The following DACH2 variants were observed in gnomAD, a reference collection of about 807,000 sequenced individuals.
DACH2 encodes the protein dachshund homolog 2.
Under a neutral mutation model 35.8 loss-of-function variants are expected in DACH2, and 17 were observed. The observed-to-expected ratio is 0.48, with a 90% CI of 0.33 to 0.71. DACH2 has a LOEUF of 0.71. Ranked by LOEUF, DACH2 falls within the 30% of genes least tolerant of loss-of-function variation. DACH2 has a pLI of 0.02. For missense variants in DACH2, 469 were observed against 472.7 expected (o/e 0.99, Z 0.07); for synonymous variants, 195 against 177.3 (o/e 1.10, Z -0.79).
chrX:86,698,536 T>TTTTTG (rs2041099604), intron 5 of DACH2, among the ~76,000 whole-genome samples: 1 of 65,797 alleles, frequency 1.5e-5, no homozygotes, highest in Admixed American at 2.0e-4. Context: ...TTTTTTTTTT[T>TTTTTG]TTTTTTTTTT....
At chrX:86,479,562 T>C (rs2037904791) in intron 2 of DACH2, among the ~76,000 whole-genome samples, 1 of 112,200 alleles carries the variant, frequency 8.9e-6, no homozygotes, top group Admixed American at 9.5e-5. Flanking sequence ...ATAAATTTTC[T>C]TTCCTTATGT....
chrX:86,583,931 C>T (rs915351261), intron 3 of DACH2, among the ~76,000 whole-genome samples: 34 of 110,356 alleles, frequency 3.1e-4, no homozygotes, highest in African/African-American at 9.8e-4. Flanking sequence ...AGAGTAATGC[C>T]TGCCTAGTAA....
At chrX:86,639,880 T>C (rs1456614451) in intron 3 of DACH2, among the ~76,000 whole-genome samples, 1 of 111,333 alleles carries the variant, frequency 9.0e-6, no homozygotes, top group Admixed American at 9.5e-5. Flanking sequence ...CCTGATCCTA[T>C]TTATCCTCAC....
At chrX:86,409,976 C>T (rs375940924) in intron 2 of DACH2, among the ~76,000 whole-genome samples, 1 of 111,604 alleles carries the variant, frequency 9.0e-6, no homozygotes, top group East Asian at 2.8e-4. Context: ...TTATTTAACC[C>T]CTGTCTTAAA....
At chrX:86,410,076 A>G (rs2036586341) in intron 2 of DACH2, among the ~76,000 whole-genome samples, 1 of 112,396 alleles carries the variant, frequency 8.9e-6, no homozygotes, top group Non-Finnish European at 1.9e-5. Flanking sequence ...TGACATCCTT[A>G]TCTATAAACT....
chrX:86,266,791 A>G (rs1239669290), intron 1 of DACH2, among the ~76,000 whole-genome samples: 1 of 111,738 alleles, frequency 8.9e-6, no homozygotes, highest in African/African-American at 3.3e-5. Flanking sequence ...TTAGAAGTGT[A>G]TAAAACATGT....
intron 1 of DACH2, among the ~76,000 whole-genome samples, chrX:86,171,808 T>C (rs779092362): frequency 1.8e-5 from 2 of 112,056 alleles, no homozygotes; most frequent in Admixed American, 9.4e-5. Context: ...TAAAATTAGA[T>C]ACTATGAGTG....
chrX:86,336,841 C>T (rs1441484688), intron 1 of DACH2, among the ~76,000 whole-genome samples: 1 of 109,102 alleles, frequency 9.2e-6, no homozygotes, highest in African/African-American at 3.3e-5. Context: ...ACAGGTTAGA[C>T]CAATTGCTAA....
chrX:86,360,860 G>T (rs1392050639), intron 1 of DACH2, among the ~76,000 whole-genome samples: 1 of 110,961 alleles, frequency 9.0e-6, no homozygotes, highest in African/African-American at 3.3e-5. Flanking sequence ...TATTTTAATG[G>T]TACTTTAATA....
chrX:86,336,567 A>T lies in DACH2; in HGVS notation c.489-40257A>T, dbSNP rs149774848. Reference sequence around the variant, plus strand: ...GCATATCCACTCAGAGACCCCATAGAAGGTCACCCACATCAAAGACCAAAT... The same window carrying T: ...GCATATCCACTCAGAGACCCCATAGTAGGTCACCCACATCAAAGACCAAAT... On this transcript the variant is annotated intron_variant, in intron 1 of 11. Coordinates refer to ENST00000373125, the MANE Select transcript of DACH2 (RefSeq NM_053281.3). Among the ~76,000 whole-genome samples the T allele has an allele frequency of 9.9e-3, 1,103 of 111,619 alleles. 11 individuals are homozygous for T. The highest frequency in any genetic ancestry group is 0.035 in the African/African-American group (1,063 of 30,736).
chrX:86,575,717 A>G (rs1329632365), intron 3 of DACH2, among the ~76,000 whole-genome samples: 1 of 111,932 alleles, frequency 8.9e-6, no homozygotes, highest in Non-Finnish European at 1.9e-5. Flanking sequence ...CTGAAGATCA[A>G]TCATACTTTG....
chrX:86,711,296 G>A (rs2041275666), intron 5 of DACH2, among the ~76,000 whole-genome samples: 1 of 111,447 alleles, frequency 9.0e-6, no homozygotes, highest in Non-Finnish European at 1.9e-5. Flanking sequence ...AGAATCGCTT[G>A]AGCCCGGGAG....
Position 86,671,168 on chromosome X carries a change from A to AT in DACH2, c.772+20007dup, listed in dbSNP as rs748625177. Reference sequence around the variant, plus strand: ...GGTAAAGCTAGAAATAAATACCATTATTTTTTAGCACTACAGTTCTCTGTG... The same window carrying AT: ...GGTAAAGCTAGAAATAAATACCATTATTTTTTTAGCACTACAGTTCTCTGTG... On this transcript the variant is annotated intron_variant, in intron 4 of 11. Transcript: ENST00000373125. Among the ~76,000 whole-genome samples, 27 of 112,175 alleles carry AT rather than the reference A, an allele frequency of 2.4e-4. No individual in the cohort carries two copies. The East Asian group carries it at 5.9e-3, about 25-fold the overall frequency.
intron 3 of DACH2, among the ~76,000 whole-genome samples, chrX:86,646,701 G>A (rs1480594121): frequency 9.2e-6 from 1 of 109,083 alleles, no homozygotes; most frequent in Non-Finnish European, 1.9e-5. Context: ...TATAACAAAG[G>A]GTTAGTATAC....
chrX:86,228,682 T>A (rs1472824989), intron 1 of DACH2, among the ~76,000 whole-genome samples: 1 of 111,537 alleles, frequency 9.0e-6, no homozygotes, highest in Non-Finnish European at 1.9e-5. Flanking sequence ...GGTATTATAT[T>A]GTGGTTTTGA....
intron 3 of DACH2, among the ~76,000 whole-genome samples, chrX:86,621,187 G>A (rs1419553453): frequency 9.0e-6 from 1 of 111,384 alleles, no homozygotes; most frequent in African/African-American, 3.3e-5. Flanking sequence ...ATATGAGAAG[G>A]TGTCTTCTAG....
At chrX:86,297,069 A>ATATATATATATATG (rs772662061) in intron 1 of DACH2, among the ~76,000 whole-genome samples, 3 of 98,917 alleles carry the variant, frequency 3.0e-5, no homozygotes, top group Non-Finnish European at 2.0e-5. Flanking sequence ...ATATATATAT[A>ATATATATATATATG]TAATTAGAGC....
chrX:86,761,848 T>A (rs12860690), intron 7 of DACH2, among the ~76,000 whole-genome samples: 3 of 101,795 alleles, frequency 2.9e-5, no homozygotes, highest in Non-Finnish European at 3.9e-5. Context: ...CAGTGTGGCA[T>A]ACACTGGCAC....
At chrX:86,414,677 G>A (rs982868539) in intron 2 of DACH2, among the ~76,000 whole-genome samples, 1 of 111,437 alleles carries the variant, frequency 9.0e-6, no homozygotes, top group African/African-American at 3.3e-5. Flanking sequence ...CTAAGCCTTT[G>A]GATTCCTTCC....
Sources: allele counts gnomAD v4.1 joint callset (sites outside exome capture counted in the v4.1 genomes callset), GRCh38; gene constraint gnomAD v4.1.1; transcripts MANE v1.5; gene names NCBI Gene and HGNC (gene_info 2026-07-23, HGNC 2026-07-21).